SYN2: variants seen among roughly 807,000 people sequenced by gnomAD.
The protein encoded by SYN2 is synapsin-2.
SYN2 carries 19 observed loss-of-function variants against 50.9 expected under a neutral mutation model. The ratio of observed to expected loss-of-function variants is 0.37; its 90% CI spans 0.26 to 0.55. SYN2 has a LOEUF of 0.55. Among genes scored for constraint, SYN2 ranks in the 20% least tolerant of loss-of-function variants. SYN2 has a pLI of 0.81. For missense variants in SYN2, 587 were observed against 576.4 expected, an observed-to-expected ratio of 1.02 and a Z score of -0.19; for synonymous variants, 255 against 224.9, an observed-to-expected ratio of 1.13 and a Z score of -1.20.
chr3:12,076,211 A>G (rs1695464545), intron 1 of SYN2, among the ~76,000 whole-genome samples: 1 of 152,096 alleles, frequency 6.6e-6, no homozygotes, highest in African/African-American at 2.4e-5. Flanking sequence ...GGCTAATGAA[A>G]TAATACCAGT....
intron 1 of SYN2, among the ~76,000 whole-genome samples, chr3:12,049,550 C>T (rs1203475089): frequency 1.6e-5 from 1 of 60,862 alleles, no homozygotes; most frequent in Non-Finnish European, 3.4e-5. Flanking sequence ...AATAAAAAAA[C>T]TGAAAGATGA....
At chr3:12,088,051 G>T (rs1031911938) in intron 1 of SYN2, among the ~76,000 whole-genome samples, 3 of 152,044 alleles carry the variant, frequency 2.0e-5, no homozygotes, top group African/African-American at 7.2e-5. Flanking sequence ...GGCAACAAAA[G>T]CAAAAATACA....
chr3:12,108,826 T>C (rs1186860685), intron 1 of SYN2, among the ~76,000 whole-genome samples: 1 of 147,916 alleles, frequency 6.8e-6, no homozygotes, highest in Non-Finnish European at 1.5e-5. Flanking sequence ...AAAAAACATA[T>C]AATCAGTTTA....
At chr3:12,168,275 G>A (rs2125242452) in intron 8 of SYN2, 101 bp from the exon 9 acceptor site, 3 of 845,464 alleles carry the variant, frequency 3.5e-6, no homozygotes, top group Non-Finnish European at 5.9e-6. Context: ...GTGGGAATGG[G>A]AGGTGGGAGA....
intron 1 of SYN2, among the ~76,000 whole-genome samples, chr3:12,104,620 G>A (rs1696145796): frequency 7.4e-6 from 1 of 134,706 alleles, no homozygotes; most frequent in Non-Finnish European, 1.5e-5. Flanking sequence ...TGTTGCCCAG[G>A]CTGGAGTGCG....
chr3:12,116,703 A>G (rs1233309808), intron 1 of SYN2, among the ~76,000 whole-genome samples: 1 of 152,132 alleles, frequency 6.6e-6, no homozygotes, highest in East Asian at 1.9e-4. Context: ...CCCTTTGTTG[A>G]TTACAAATGT....
At chr3:12,137,779 A>AT (rs975558216) in intron 1 of SYN2, among the ~76,000 whole-genome samples, 1 of 152,104 alleles carries the variant, frequency 6.6e-6, no homozygotes, top group African/African-American at 2.4e-5. Flanking sequence ...ATAGCCACAC[A>AT]TTTTTTCCCC....
intron 5 of SYN2, chr3:12,159,383 G>A: frequency 6.5e-6 from 1 of 153,628 alleles, no homozygotes; most frequent in Non-Finnish European, 1.4e-5. Context: ...GCTACTCAGG[G>A]CTTCTTTCAG....
At chr3:12,040,914 A>G (rs1011006101) in intron 1 of SYN2, among the ~76,000 whole-genome samples, 6 of 152,154 alleles carry the variant, frequency 3.9e-5, no homozygotes, top group African/African-American at 1.2e-4. Context: ...CTTCTCTTCT[A>G]TAACCTTTAA....
Position 12,184,012 on chromosome 3 carries a change from A to G in SYN2, c.1369+640A>G, listed in dbSNP as rs996405722. The G allele has an allele frequency of 2.0e-5, 20 of 986,030 alleles. 1 individual carries two copies. The East Asian group carries it at 2.0e-3, about 100-fold the overall frequency. 61.1% of individuals were successfully genotyped at this position (986,030 alleles called of 1,614,324 possible). A position where few individuals can be genotyped will look rare whatever the true frequency, so the allele number is the denominator to read the frequency against. On this transcript the variant is annotated intron_variant, in intron 11 of 12. Transcript: ENST00000621198. The stretch of plus-strand genomic sequence containing the variant: ...AAACTTCCATAGCTTCATCCACTGA[A>G]TTTGAAGGCATCCACCTTTTTCTCC...
intron 1 of SYN2, among the ~76,000 whole-genome samples, chr3:12,066,103 T>C (rs1307001140): frequency 8.5e-5 from 13 of 152,162 alleles, no homozygotes; most frequent in Non-Finnish European, 1.5e-5. Flanking sequence ...TTGCACACTT[T>C]AAAAGGATGA....
At chr3:12,124,797 T>C (rs888631796) in intron 1 of SYN2, among the ~76,000 whole-genome samples, 1 of 152,038 alleles carries the variant, frequency 6.6e-6, no homozygotes, top group African/African-American at 2.4e-5. Context: ...TAAAAACACA[T>C]ACAGGAATAA....
chr3:12,049,877 C>T (rs1559399262), intron 1 of SYN2, among the ~76,000 whole-genome samples: 2 of 152,182 alleles, frequency 1.3e-5, no homozygotes, highest in Non-Finnish European at 2.9e-5. Flanking sequence ...CCTTGGAGAG[C>T]TCTAAGCAGG....
At chr3:12,169,086 C>CT (rs1697877348) in intron 9 of SYN2, among the ~76,000 whole-genome samples, 1 of 152,200 alleles carries the variant, frequency 6.6e-6, no homozygotes, top group Admixed American at 6.5e-5. Flanking sequence ...AATTCAGAAT[C>CT]TATCTCATTT....
chr3:12,046,770 T>C (rs547464787), intron 1 of SYN2, among the ~76,000 whole-genome samples: 4 of 152,224 alleles, frequency 2.6e-5, no homozygotes, highest in African/African-American at 7.2e-5. Flanking sequence ...CAAGACTTGA[T>C]GATTGATTAG....
chr3:12,037,915 C>T (rs1694532487), intron 1 of SYN2, among the ~76,000 whole-genome samples: 1 of 152,062 alleles, frequency 6.6e-6, no homozygotes, highest in African/African-American at 2.4e-5. Context: ...TTTGATGAAG[C>T]CCAATTTTTC....
At chr3:12,104,733 G>T (rs1182167566) in intron 1 of SYN2, among the ~76,000 whole-genome samples, 1 of 151,760 alleles carries the variant, frequency 6.6e-6, no homozygotes, top group Non-Finnish European at 1.5e-5. Context: ...CACTATGCCT[G>T]GTGAATTATT....
chr3:12,120,311 C>A (rs1696526260), intron 1 of SYN2, among the ~76,000 whole-genome samples: 1 of 152,066 alleles, frequency 6.6e-6, no homozygotes, highest in Non-Finnish European at 1.5e-5. Context: ...CTTTATTTCC[C>A]AAGGGGAGGA....
intron 1 of SYN2, among the ~76,000 whole-genome samples, chr3:12,039,132 A>G (rs1694559529): frequency 1.3e-5 from 2 of 152,112 alleles, no homozygotes; most frequent in Non-Finnish European, 1.5e-5. Flanking sequence ...GGATTTTGTG[A>G]AATGCTTTTT....
Sources: gnomAD v4.1 joint callset for allele counts (sites outside exome capture counted in the v4.1 genomes callset) on GRCh38, gnomAD v4.1.1 for gene constraint, MANE v1.5 for transcripts, NCBI Gene and HGNC (gene_info 2026-07-23, HGNC 2026-07-21) for gene names.